The following PARN variants were observed in gnomAD, a reference collection of about 807,000 sequenced individuals.
PARN encodes poly(A)-specific ribonuclease.
Under a neutral mutation model 102.8 loss-of-function variants are expected in PARN, and 71 were observed. That is an observed-to-expected ratio of 0.69 (90% CI 0.57 to 0.84). The LOEUF (loss-of-function observed/expected upper bound fraction) is 0.84. Ranked by LOEUF, PARN falls within the 40% of genes least tolerant of loss-of-function variation. PARN has a pLI of 0.00. For synonymous variants in PARN, 261 were observed against 252.9 expected, an observed-to-expected ratio of 1.03 and a Z score of -0.30; for missense variants, 782 against 760.9, an observed-to-expected ratio of 1.03 and a Z score of -0.33.
intron 18 of PARN, among the ~76,000 whole-genome samples, chr16:14,564,682 AAAG>A (rs1968321207): frequency 6.6e-6 from 1 of 152,146 alleles, no homozygotes; most frequent in Non-Finnish European, 1.5e-5. Flanking sequence ...ATGTGTTAAT[AAAG>A]AAGAACAGAG....
intron 9 of PARN, 157 bp downstream of exon 9, chr16:14,608,124 A>C (rs903242227): frequency 1.6e-6 from 1 of 641,954 alleles, no homozygotes. Context: ...AAAGAAAATT[A>C]AGTGAGTATT....
chr16:14,590,570 G>A (rs549664292), intron 13 of PARN, among the ~76,000 whole-genome samples: 3 of 150,786 alleles, frequency 2.0e-5, no homozygotes, highest in Non-Finnish European at 4.4e-5. Context: ...AGGAAGCGGA[G>A]GGTGCACTGA....
At chr16:14,515,585 G>A (rs1366982300) in intron 21 of PARN, among the ~76,000 whole-genome samples, 1 of 152,100 alleles carries the variant, frequency 6.6e-6, no homozygotes, top group Admixed American at 6.6e-5. Flanking sequence ...AAAAAGAGAT[G>A]AAAAGCTGTA....
At chr16:14,591,527 C>A (rs1191652303) in intron 13 of PARN, among the ~76,000 whole-genome samples, 1 of 152,106 alleles carries the variant, frequency 6.6e-6, no homozygotes. Flanking sequence ...AATTGGTTTA[C>A]GTATTCTATG....
At chr16:14,554,249 C>A in intron 19 of PARN, 98 bp from the exon 20 acceptor site, 1 of 770,696 alleles carries the variant, frequency 1.3e-6, no homozygotes, top group Non-Finnish European at 2.1e-6. Flanking sequence ...ATTTGGAGAA[C>A]TGTTATGAAT....
Position 14,584,734 on chromosome 16 carries a change from G to C in PARN, c.1005+15C>G, listed in dbSNP as rs1261736186. 3.2e-6 allele frequency: 5 copies of C among 1,554,726 alleles called. No homozygotes were observed. In the South Asian group the frequency reaches 4.8e-5, roughly 15 times the overall value. ...TAATATGCAGTCGCTTTATAAAGTA[G>C]CAAATGAATAATACCTTAAAAGGTT... On this transcript the variant is annotated intron_variant, in intron 15 of 23. Coordinates refer to ENST00000437198, the MANE Select transcript of PARN (RefSeq NM_002582.4).
chr16:14,550,882 C>T (rs910870416), intron 21 of PARN, among the ~76,000 whole-genome samples: 9 of 151,980 alleles, frequency 5.9e-5, no homozygotes, highest in African/African-American at 2.2e-4. Context: ...GAAAACAAAA[C>T]GTTTAATTGA....
chr16:14,597,592 G>C (rs954990588), intron 12 of PARN, among the ~76,000 whole-genome samples: 1 of 152,114 alleles, frequency 6.6e-6, no homozygotes, highest in Non-Finnish European at 1.5e-5. Flanking sequence ...AGCTACTCAG[G>C]AGGCTGAGGC....
chr16:14,582,205 A>G lies in PARN; in HGVS notation c.1168T>C (p.Phe390Leu). The G allele has an allele frequency of 1.9e-6, 3 of 1,611,336 alleles. No individual in the cohort carries two copies. Among genetic ancestry groups the G allele is most frequent in the Non-Finnish European group, 2.5e-6 (3 of 1,177,390 alleles). Residue 390 changes from phenylalanine (F) to leucine (L), a missense_variant, in exon 17 of 24, where the codon TTC (phenylalanine) becomes CTC (leucine). Coordinates refer to ENST00000437198, the MANE Select transcript of PARN (RefSeq NM_002582.4). Reference protein sequence around the residue: ...GYDAYITGLCFISMANYLGSF... With the variant: ...GYDAYITGLCLISMANYLGSF... ...CCTAGGTAATTGGCCATGGAGATGA[A>G]GCACAGCCCTGTGATGTAGGCATCG...
chr16:14,518,611 T>C (rs148548111), intron 21 of PARN, among the ~76,000 whole-genome samples: 4,301 of 152,220 alleles, frequency 0.028, 83 homozygotes, highest in Non-Finnish European at 0.041. Flanking sequence ...AATATAAATA[T>C]GTATACTTAT....
At chr16:14,587,037 A>G (rs1314527394) in intron 13 of PARN, among the ~76,000 whole-genome samples, 1 of 152,232 alleles carries the variant, frequency 6.6e-6, no homozygotes, top group Non-Finnish European at 1.5e-5. Flanking sequence ...ATTTACATAC[A>G]TAATTGCCAT....
chr16:14,604,069 G>C lies in PARN; in HGVS notation c.783+77C>G, dbSNP rs187613162. 3.9e-4 allele frequency: 340 copies of C among 875,362 alleles called. No homozygotes were observed. In the African/African-American group the frequency reaches 5.0e-3, roughly 13 times the overall value. 54.2% of individuals were successfully genotyped at this position (875,362 alleles called of 1,614,324 possible). Reference sequence around the variant, plus strand: ...ATTCATTAAATTGAATCCAACATATGATCTGAAATAGACAGGAATAAATCA... The same window carrying C: ...ATTCATTAAATTGAATCCAACATATCATCTGAAATAGACAGGAATAAATCA... On this transcript the variant is annotated intron_variant, in intron 11 of 23. Transcript: ENST00000437198.
intron 5 of PARN, among the ~76,000 whole-genome samples, chr16:14,622,305 GA>G: frequency 6.6e-6 from 1 of 152,120 alleles, no homozygotes; most frequent in Non-Finnish European, 1.5e-5. Flanking sequence ...CTCCTTCTAG[GA>G]AATCTACAAT....
chr16:14,595,805 A>G (rs940477194), intron 12 of PARN, among the ~76,000 whole-genome samples: 1 of 151,922 alleles, frequency 6.6e-6, no homozygotes, highest in African/African-American at 2.4e-5. Context: ...TGCTGGGATT[A>G]CAGGAGCGAG....
chr16:14,464,437 T>C (rs1962200988), intron 22 of PARN, among the ~76,000 whole-genome samples: 1 of 152,196 alleles, frequency 6.6e-6, no homozygotes, highest in East Asian at 1.9e-4. Context: ...TTTAGAATTC[T>C]ATACCCAGCA....
chr16:14,570,759 C>G (rs1377279264), intron 18 of PARN, among the ~76,000 whole-genome samples: 1 of 147,988 alleles, frequency 6.8e-6, no homozygotes, highest in East Asian at 2.0e-4. Context: ...TGGAGGATCG[C>G]TTGAGCCCAG....
intron 12 of PARN, 94 bp downstream of exon 12, chr16:14,599,810 A>G: frequency 1.3e-6 from 1 of 754,762 alleles, no homozygotes; most frequent in Non-Finnish European, 2.2e-6. Flanking sequence ...TAAACATTCT[A>G]AAGGAGATGA....
intron 21 of PARN, among the ~76,000 whole-genome samples, chr16:14,544,969 T>C (rs993790455): frequency 6.6e-6 from 1 of 152,184 alleles, no homozygotes; most frequent in East Asian, 1.9e-4. Flanking sequence ...GGAGGATTGC[T>C]TGAGCTCAAC....
At chr16:14,464,793 C>T (rs1962225093) in intron 22 of PARN, among the ~76,000 whole-genome samples, 1 of 151,600 alleles carries the variant, frequency 6.6e-6, no homozygotes, top group African/African-American at 2.4e-5. Flanking sequence ...GAAATAAAGA[C>T]ATTTTTATAC....
Sources: allele counts gnomAD v4.1 joint callset (sites outside exome capture counted in the v4.1 genomes callset), GRCh38; gene constraint gnomAD v4.1.1; transcripts MANE v1.5; gene names NCBI Gene and HGNC (gene_info 2026-07-23, HGNC 2026-07-21).